Variants in WDR7 observed in about 807,000 individuals in gnomAD.
WDR7 encodes WD repeat-containing protein 7.
WDR7 carries 46 observed loss-of-function variants against 169.4 expected under a neutral mutation model. That is an observed-to-expected ratio of 0.27 (90% CI 0.21 to 0.35). The LOEUF (loss-of-function observed/expected upper bound fraction) is 0.35. Ranked by LOEUF, WDR7 falls within the 10% of genes least tolerant of loss-of-function variation. WDR7 has a pLI of 1.00. For synonymous variants in WDR7, 612 were observed against 666.8 expected, an observed-to-expected ratio of 0.92 and a Z score of 1.27; for missense variants, 1,534 against 1,859.3, an observed-to-expected ratio of 0.83 and a Z score of 3.22.
intron 1 of WDR7, among the ~76,000 whole-genome samples, chr18:56,672,213 A>G (rs1237942017): frequency 6.6e-6 from 1 of 152,162 alleles, no homozygotes; most frequent in African/African-American, 2.4e-5. Flanking sequence ...TTTATTAGTA[A>G]ATTTTAAAAA....
chr18:56,673,515 C>T (rs780777039), intron 2 of WDR7, among the ~76,000 whole-genome samples: 5 of 152,028 alleles, frequency 3.3e-5, no homozygotes, highest in Non-Finnish European at 5.9e-5. Flanking sequence ...TTCATCACTT[C>T]CAAAACAAAC....
intron 14 of WDR7, among the ~76,000 whole-genome samples, chr18:56,736,161 C>T (rs1205662299): frequency 1.3e-5 from 2 of 152,128 alleles, no homozygotes; most frequent in Non-Finnish European, 2.9e-5. Flanking sequence ...ATTCAAAATT[C>T]AGAGTTGCCT....
chr18:56,668,511 A>G (rs568966024), intron 1 of WDR7, among the ~76,000 whole-genome samples: 114 of 152,324 alleles, frequency 7.5e-4, no homozygotes, highest in Non-Finnish European at 8.2e-4. Flanking sequence ...GCCCCACTGG[A>G]TAGCTGAATT....
chr18:56,755,418 G>A (rs35784456), intron 14 of WDR7, among the ~76,000 whole-genome samples: 13,277 of 152,184 alleles, frequency 0.087, 684 homozygotes, highest in East Asian at 0.19. Context: ...GTAGTTCTGT[G>A]GAGGTCACAT....
chr18:56,755,250 T>G (rs1208049030), intron 14 of WDR7, among the ~76,000 whole-genome samples: 1 of 152,216 alleles, frequency 6.6e-6, no homozygotes, highest in Non-Finnish European at 1.5e-5. Context: ...TAAGTATGTT[T>G]AGAAAGTCCA....
At chr18:56,932,876 TG>T (rs2046906972) in intron 22 of WDR7, among the ~76,000 whole-genome samples, 1 of 29,810 alleles carries the variant, frequency 3.4e-5, no homozygotes, top group South Asian at 9.2e-4. Context: ...TCATTCTGGG[TG>T]TGTGTGTGTG....
At chr18:56,673,009 T>C (rs879518901) in intron 2 of WDR7, among the ~76,000 whole-genome samples, 111 of 152,190 alleles carry the variant, frequency 7.3e-4, no homozygotes, top group Non-Finnish European at 1.2e-3. Flanking sequence ...TGGTAAATGC[T>C]TTGAAGAGGG....
chr18:56,798,689 C>A (rs1022251080), intron 19 of WDR7, among the ~76,000 whole-genome samples: 13 of 151,654 alleles, frequency 8.6e-5, no homozygotes, highest in Non-Finnish European at 1.2e-4. Context: ...ATTAAATTAC[C>A]CAATTTATTT....
At chr18:56,945,990 G>A (rs1239250778) in intron 25 of WDR7, among the ~76,000 whole-genome samples, 1 of 152,172 alleles carries the variant, frequency 6.6e-6, no homozygotes, top group Non-Finnish European at 1.5e-5. Context: ...GATACACCAT[G>A]AGCTTTTAAA....
intron 3 of WDR7, among the ~76,000 whole-genome samples, chr18:56,680,172 C>T (rs191622291): frequency 1.3e-3 from 202 of 152,132 alleles, no homozygotes; most frequent in African/African-American, 4.6e-3. Context: ...GCCTGAGCAA[C>T]ATGTTAAAAC....
chr18:56,890,974 C>G (rs1450548194), intron 21 of WDR7: 6 of 152,164 alleles, frequency 3.9e-5, no homozygotes, highest in Non-Finnish European at 8.8e-5. Context: ...TTTAGGTAGT[C>G]TTCCTATTCA....
At chr18:56,876,639 T>C (rs2046025881) in intron 20 of WDR7, among the ~76,000 whole-genome samples, 1 of 152,088 alleles carries the variant, frequency 6.6e-6, no homozygotes, top group Non-Finnish European at 1.5e-5. Flanking sequence ...AAGATCTGAG[T>C]GCATTGCTAC....
At chr18:56,808,857 TG>T (rs1229602445) in intron 19 of WDR7, among the ~76,000 whole-genome samples, 9 of 152,214 alleles carry the variant, frequency 5.9e-5, no homozygotes, top group Admixed American at 3.3e-4. Context: ...AAAAAACTTC[TG>T]AAGTGGCTTA....
intron 16 of WDR7, among the ~76,000 whole-genome samples, chr18:56,762,175 A>G (rs1356554487): frequency 6.6e-6 from 1 of 151,942 alleles, no homozygotes; most frequent in Non-Finnish European, 1.5e-5. Context: ...AATAAAACCA[A>G]TTTTGTTTTG....
chr18:56,682,904 G>A, intron 5 of WDR7, 51 bp downstream of exon 5: 1 of 1,528,394 alleles, frequency 6.5e-7, no homozygotes, highest in Non-Finnish European at 8.9e-7. Context: ...TTAATGTTTA[G>A]TTTACTAGAA....
At chr18:56,864,578 C>T (rs1345323473) in intron 20 of WDR7, among the ~76,000 whole-genome samples, 1 of 151,724 alleles carries the variant, frequency 6.6e-6, no homozygotes, top group Non-Finnish European at 1.5e-5. Flanking sequence ...TACATTTGAT[C>T]TAATAACATT....
intron 1 of WDR7, among the ~76,000 whole-genome samples, chr18:56,657,446 G>T (rs566812626): frequency 1.3e-5 from 2 of 152,206 alleles, no homozygotes. Flanking sequence ...ACCATGCCTG[G>T]CAATTAAATT....
chr18:56,782,669 A>G (rs1157479971), intron 19 of WDR7, among the ~76,000 whole-genome samples: 1 of 152,156 alleles, frequency 6.6e-6, no homozygotes, highest in African/African-American at 2.4e-5. Context: ...CTTTGTAATG[A>G]AATACTCATT....
intron 26 of WDR7, among the ~76,000 whole-genome samples, chr18:57,002,245 A>G (rs1005558612): frequency 6.6e-6 from 1 of 152,204 alleles, no homozygotes; most frequent in African/African-American, 2.4e-5. Context: ...AAATGCTTAC[A>G]TAAAAAAATT....
Sources: gnomAD v4.1 joint callset for allele counts (sites outside exome capture counted in the v4.1 genomes callset) on GRCh38, gnomAD v4.1.1 for gene constraint, MANE v1.5 for transcripts, NCBI Gene and HGNC (gene_info 2026-07-23, HGNC 2026-07-21) for gene names.